The following HECW1 variants were observed in gnomAD, a reference collection of about 807,000 sequenced individuals.
HECW1 encodes the protein E3 ubiquitin-protein ligase HECW1.
HECW1 carries 61 observed loss-of-function variants against 182.3 expected under a neutral mutation model. The observed-to-expected ratio is 0.33, with a 90% CI of 0.27 to 0.41. The LOEUF (loss-of-function observed/expected upper bound fraction) is 0.41, where lower values mean the gene tolerates loss of function less well. Ranked by LOEUF, HECW1 falls within the 10% of genes least tolerant of loss-of-function variation. HECW1 has a pLI of 1.00. For missense variants in HECW1, 1,739 were observed against 2,108.9 expected (o/e 0.82, Z 3.44); for synonymous variants, 859 against 832.6 (o/e 1.03, Z -0.55).
chr7:43,466,111 A>T (rs1306665822), intron 14 of HECW1, among the ~76,000 whole-genome samples: 1 of 148,078 alleles, frequency 6.8e-6, no homozygotes, highest in African/African-American at 2.5e-5. Flanking sequence ...GGAAAGAAAG[A>T]TGAAAGAAAG....
At chr7:43,551,625 T>C (rs752600126) in intron 27 of HECW1, among the ~76,000 whole-genome samples, 1 of 152,242 alleles carries the variant, frequency 6.6e-6, no homozygotes, top group Non-Finnish European at 1.5e-5. Flanking sequence ...CAGATTTGTT[T>C]ACAGAATCAT....
At chr7:43,483,971 G>A (rs745963538) in intron 17 of HECW1, among the ~76,000 whole-genome samples, 15 of 152,170 alleles carry the variant, frequency 9.9e-5, no homozygotes, top group Non-Finnish European at 1.9e-4. Context: ...GGATGAGGCC[G>A]AGTTGAGGTG....
intron 2 of HECW1, among the ~76,000 whole-genome samples, chr7:43,222,765 G>T (rs1459247526): frequency 6.6e-6 from 1 of 152,152 alleles, no homozygotes; most frequent in Non-Finnish European, 1.5e-5. Context: ...GTGGATGCCT[G>T]TTTCCTTTGC....
chr7:43,142,681 T>C (rs1788290684), intron 2 of HECW1, among the ~76,000 whole-genome samples: 1 of 152,236 alleles, frequency 6.6e-6, no homozygotes, highest in Non-Finnish European at 1.5e-5. Context: ...ATTTTTTGTT[T>C]TACCTCTGGA....
intron 3 of HECW1, among the ~76,000 whole-genome samples, chr7:43,259,393 A>AAC (rs1320081949): frequency 1.3e-5 from 2 of 152,124 alleles, no homozygotes; most frequent in Non-Finnish European, 2.9e-5. Context: ...TGTCCAAAAA[A>AAC]AAAAACCGTT....
intron 4 of HECW1, 26 bp downstream of exon 4, chr7:43,312,113 A>G (rs748710454): frequency 1.9e-6 from 3 of 1,571,628 alleles, no homozygotes; most frequent in Admixed American, 3.4e-5. Context: ...CAAGTGTATT[A>G]TTCATAATTC....
intron 2 of HECW1, among the ~76,000 whole-genome samples, chr7:43,150,473 G>C (rs112033049): frequency 0.026 from 3,897 of 152,142 alleles, 185 homozygotes; most frequent in African/African-American, 0.089. Flanking sequence ...CTGCTTCCTG[G>C]GTTCAAGTGA....
intron 2 of HECW1, among the ~76,000 whole-genome samples, chr7:43,143,501 G>T (rs901834115): frequency 6.6e-6 from 1 of 151,770 alleles, no homozygotes; most frequent in Non-Finnish European, 1.5e-5. Flanking sequence ...ACCCAGGCTC[G>T]TCTTGAACTC....
chr7:43,550,343 G>A, intron 26 of HECW1, 102 bp from the exon 27 acceptor site: 1 of 1,267,690 alleles, frequency 7.9e-7, no homozygotes, highest in Admixed American at 1.9e-5. Flanking sequence ...ATAATGCCCT[G>A]TAGAGGATTT....
At chr7:43,535,114 G>A (rs10226241) in intron 24 of HECW1, among the ~76,000 whole-genome samples, 21,111 of 152,180 alleles carry the variant, frequency 0.14, 1,694 homozygotes, top group East Asian at 0.28. Flanking sequence ...ATCAGACCTT[G>A]TGATATCATC....
intron 2 of HECW1, among the ~76,000 whole-genome samples, chr7:43,187,969 C>T (rs183891105): frequency 4.9e-4 from 74 of 152,282 alleles, no homozygotes; most frequent in African/African-American, 1.5e-3. Flanking sequence ...CAGTGGACTC[C>T]GTGAAGACCC....
chr7:43,483,531 G>T (rs2078511883), intron 17 of HECW1, among the ~76,000 whole-genome samples: 1 of 147,704 alleles, frequency 6.8e-6, no homozygotes, highest in African/African-American at 2.5e-5. Context: ...TTTCCTAACA[G>T]TCATCCATGC....
intron 2 of HECW1, among the ~76,000 whole-genome samples, chr7:43,150,160 T>A (rs2057744): frequency 0.45 from 69,057 of 152,008 alleles, 15,836 homozygotes; most frequent in African/African-American, 0.48. Context: ...CCCTATTATT[T>A]TCACTATTTT....
chr7:43,371,971 C>G lies in HECW1; in HGVS notation c.555+10991C>G, dbSNP rs1016921852. On this transcript the variant is annotated intron_variant, in intron 6 of 29. Transcript: ENST00000395891. ...AGTAGCTGAGATTACAGGTGCCCAC[C>G]ACCACGCCCCGCTAATTTTTTTGTA... Among the ~76,000 whole-genome samples the G allele has an allele frequency of 8.5e-5, 13 of 152,236 alleles. No homozygotes were observed. In the East Asian group the frequency reaches 1.7e-3, roughly 20 times the overall value.
rs531826058 is a variant in HECW1 at position 43,354,582 on chromosome 7, CAA to C, written c.461-6302_461-6301del. Reference sequence around the variant, plus strand: ...AAACAGAGAAAAGAATCAGTGAGCTCAAAGAGAGGCTATTTGAAAATACGCAG... The same window carrying C: ...AAACAGAGAAAAGAATCAGTGAGCTCAGAGAGGCTATTTGAAAATACGCAG... On this transcript the variant is annotated intron_variant, in intron 5 of 29. Transcript: ENST00000395891. 2.4e-3 allele frequency among the ~76,000 whole-genome samples: 371 copies of C among 151,776 alleles called. 2 individuals are homozygous for C. The highest frequency in any genetic ancestry group is 8.7e-3 in the African/African-American group (359 of 41,354).
intron 26 of HECW1, among the ~76,000 whole-genome samples, chr7:43,547,461 C>A (rs995089377): frequency 2.0e-5 from 3 of 151,862 alleles, no homozygotes; most frequent in Non-Finnish European, 4.4e-5. Context: ...GCAGGAGAGT[C>A]GCTTGAACCC....
chr7:43,477,814 A>G (rs2078274413), intron 16 of HECW1, among the ~76,000 whole-genome samples: 1 of 152,208 alleles, frequency 6.6e-6, no homozygotes, highest in African/African-American at 2.4e-5. Context: ...ACTTGAAATT[A>G]TAAGCTCATA....
At chr7:43,274,505 T>C (rs2152743282) in intron 3 of HECW1, 2 of 602,364 alleles carry the variant, frequency 3.3e-6, no homozygotes, top group South Asian at 1.6e-5. Context: ...ATCCAGATCA[T>C]GAAGGTGGAG....
At position 43,200,829 on chromosome 7, in the gene HECW1, CCTCTGA is replaced by C. The variant is rs566712183; in HGVS notation, c.-31-43040_-31-43035del. On this transcript the variant is annotated intron_variant, in intron 2 of 29. Transcript: ENST00000395891. ...ATAGCAATGTGGCCCAACATGCTCA[CCTCTGA>C]CTCTGTTTCCATGCTTTACCCTAAA... Among the ~76,000 whole-genome samples, 90 of 152,306 alleles carry C rather than the reference CCTCTGA, an allele frequency of 5.9e-4. No individual in the cohort carries two copies. In the East Asian group the frequency reaches 7.5e-3, roughly 13 times the overall value.
Sources: gnomAD v4.1 joint callset for allele counts (sites outside exome capture counted in the v4.1 genomes callset) on GRCh38, gnomAD v4.1.1 for gene constraint, MANE v1.5 for transcripts, NCBI Gene and HGNC (gene_info 2026-07-23, HGNC 2026-07-21) for gene names.